Variants in AP1B1 observed in about 807,000 individuals in gnomAD.
AP1B1 encodes the protein AP-1 complex subunit beta-1.
Under a neutral mutation model 104.3 loss-of-function variants are expected in AP1B1, and 36 were observed. The observed-to-expected ratio is 0.35, with a 90% CI of 0.26 to 0.46. The LOEUF (loss-of-function observed/expected upper bound fraction) is 0.46, where lower values mean the gene tolerates loss of function less well. Ranked by LOEUF, AP1B1 falls within the 20% of genes least tolerant of loss-of-function variation. The pLI, the probability that AP1B1 is intolerant of heterozygous loss-of-function variation, is 1.00. For synonymous variants in AP1B1, 504 were observed against 517.5 expected (o/e 0.97, Z 0.35); for missense variants, 901 against 1,247.9 (o/e 0.72, Z 4.19).
At chr22:29,329,689 G>A (rs2061528031) in intron 22 of AP1B1, 23 bp downstream of exon 22, 18 of 1,613,496 alleles carry the variant, frequency 1.1e-5, no homozygotes, top group Non-Finnish European at 1.4e-5. Context: ...GGCGGACGGG[G>A]AAAGAGAAAG....
In AP1B1 at chr22:29,330,520, C is replaced by T; in HGVS notation, c.2624G>A (p.Ser875Asn). 1 of 1,610,344 alleles carries T rather than the reference C, an allele frequency of 6.2e-7. No individual in the cohort carries two copies. Among genetic ancestry groups the T allele is most frequent in the Non-Finnish European group, 8.5e-7 (1 of 1,176,890 alleles). ...DCPLNAEAAS[S>N]KLQSSNIFTV... Reference sequence around the variant, plus strand: ...GAAGATGTTGCTGCTCTGCAGCTTGCTGCTCGCAGCCTCTGTGGGGTCACA... The same window carrying T: ...GAAGATGTTGCTGCTCTGCAGCTTGTTGCTCGCAGCCTCTGTGGGGTCACA... The change falls in exon 21 of 23, where the codon AGC becomes AAC. Residue 875 changes from serine (S) to asparagine (N), a missense_variant. Coordinates refer to ENST00000357586, the MANE Select transcript of AP1B1 (RefSeq NM_001127.4).
chr22:29,357,062 GTTTT>G (rs59590928), intron 5 of AP1B1, among the ~76,000 whole-genome samples: 49,625 of 147,532 alleles, frequency 0.34, 8,766 homozygotes, highest in East Asian at 0.66. Context: ...GTTTTTTTTT[GTTTT>G]TTGTTTTTTT....
At chr22:29,346,570 A>G (rs1047534538) in intron 11 of AP1B1, among the ~76,000 whole-genome samples, 2 of 152,216 alleles carry the variant, frequency 1.3e-5, no homozygotes, top group African/African-American at 4.8e-5. Context: ...GAGCTGAGGC[A>G]GTAATGCTTG....
chr22:29,338,910 C>A (rs140586811), intron 16 of AP1B1, 80 bp downstream of exon 16: 17 of 1,573,164 alleles, frequency 1.1e-5, no homozygotes, highest in African/African-American at 4.0e-5. Flanking sequence ...ATTCCACAGC[C>A]GAGGCCATTT....
intron 3 of AP1B1, 139 bp from the exon 4 acceptor site, chr22:29,360,098 G>T: frequency 1.1e-6 from 1 of 905,688 alleles, no homozygotes; most frequent in Non-Finnish European, 1.6e-6. Context: ...TAAAAGGGAG[G>T]GTTTCAGGTC....
At chr22:29,348,946 T>C (rs912815562) in intron 11 of AP1B1, among the ~76,000 whole-genome samples, 2 of 152,250 alleles carry the variant, frequency 1.3e-5, no homozygotes, top group African/African-American at 4.8e-5. Flanking sequence ...CAAGTCAATA[T>C]ATTTCCTATT....
intron 16 of AP1B1, among the ~76,000 whole-genome samples, chr22:29,337,918 T>A (rs896323389): frequency 1.3e-5 from 2 of 152,172 alleles, no homozygotes; most frequent in African/African-American, 4.8e-5. Context: ...CAAGTGCAAA[T>A]CAGACTGGTT....
chr22:29,380,432 C>T (rs1265515675), intron 1 of AP1B1, among the ~76,000 whole-genome samples: 9 of 152,034 alleles, frequency 5.9e-5, no homozygotes. Context: ...CATGTCCAAA[C>T]TGTGTAACTG....
At chr22:29,377,195 CAAAAAAAAA>C (rs34466410) in intron 1 of AP1B1, among the ~76,000 whole-genome samples, 1 of 64,678 alleles carries the variant, frequency 1.5e-5, no homozygotes, top group Non-Finnish European at 2.7e-5. Context: ...GACCCTGTCT[CAAAAAAAAA>C]AAAAAAAAAA....
intron 1 of AP1B1, among the ~76,000 whole-genome samples, chr22:29,385,316 T>A (rs1188837291): frequency 6.6e-6 from 1 of 152,026 alleles, no homozygotes; most frequent in Admixed American, 6.5e-5. Flanking sequence ...AGCCCAGGAG[T>A]TGGAGCCTGC....
rs1173223996 is a variant in AP1B1 at position 29,330,648 on chromosome 22, C to G, written c.2586G>C (p.Gln862His). Reference protein sequence around the residue: ...DIPNENEAQFQIRDCPLNAEA... With the variant: ...DIPNENEAQFHIRDCPLNAEA... ...CTGCATTGAGGGGGCAGTCTCTGATCTGGAACTGGGCCTCATTCTCATTGG... is the reference window on the plus strand; with the variant it reads ...CTGCATTGAGGGGGCAGTCTCTGATGTGGAACTGGGCCTCATTCTCATTGG... Residue 862 changes from glutamine to histidine, a missense_variant, in exon 20 of 23, where the codon CAG (glutamine) becomes CAC (histidine). Physicochemically the swap from Gln to His is conservative, Grantham distance 24 (BLOSUM62 0). Coordinates refer to ENST00000357586, the MANE Select transcript of AP1B1 (RefSeq NM_001127.4). 6.2e-7 allele frequency: 1 copy of G among 1,613,938 alleles called. No homozygotes were observed. Among genetic ancestry groups the G allele is most frequent in the South Asian group, 1.1e-5 (1 of 91,080 alleles).
intron 17 of AP1B1, among the ~76,000 whole-genome samples, chr22:29,333,680 C>CA (rs1239925771): frequency 6.6e-6 from 1 of 151,430 alleles, no homozygotes; most frequent in African/African-American, 2.4e-5. Flanking sequence ...GAGGCCATCT[C>CA]AAAAAAAATA....
At chr22:29,339,880 T>G in intron 14 of AP1B1, 106 bp from the exon 15 acceptor site, 605 of 990,194 alleles carry the variant, frequency 6.1e-4, no homozygotes, top group Non-Finnish European at 8.4e-4. Context: ...AGAGGGAGAT[T>G]AGTCAACGGT....
At chr22:29,334,100 CAG>C (rs1342953825) in intron 17 of AP1B1, among the ~76,000 whole-genome samples, 163 bp downstream of exon 17, 1 of 152,144 alleles carries the variant, frequency 6.6e-6, no homozygotes, top group African/African-American at 2.4e-5. Context: ...CCCAGTGCTT[CAG>C]AGAGTTTTGG....
At chr22:29,364,833 C>A (rs946750793) in intron 2 of AP1B1, among the ~76,000 whole-genome samples, 1 of 152,078 alleles carries the variant, frequency 6.6e-6, no homozygotes, top group African/African-American at 2.4e-5. Context: ...CTCAGCCTCC[C>A]AAATAGCTGG....
In AP1B1 at chr22:29,339,033, C is replaced by G. The variant is rs752608064; in HGVS notation, c.2120G>C (p.Ser707Thr). ...TGATCCTGACAGGGTGCCCACGCCACTGGTCAGGTCAAAGAGGTCACTCAG... is the reference window on the plus strand; with the variant it reads ...TGATCCTGACAGGGTGCCCACGCCAGTGGTCAGGTCAAAGAGGTCACTCAG... ...SGLSDLFDLT[S>T]GVGTLSGSYV... Residue 707 changes from serine (S) to threonine (T), a missense_variant, in exon 16 of 23, where the codon AGT (serine) becomes ACT (threonine). This residue lies in a region of AP1B1 where 424 missense variants were observed against 494.0 expected (regional missense o/e 0.86). Coordinates refer to ENST00000357586, the MANE Select transcript of AP1B1 (RefSeq NM_001127.4). The G allele has an allele frequency of 6.3e-5, 101 of 1,614,204 alleles. 4 individuals carry two copies. The South Asian group carries it at 1.0e-3, about 17-fold the overall frequency.
rs751794492 is a variant in AP1B1 at position 29,358,982 on chromosome 22, C to G, written c.280-11G>C. 1 of 1,598,482 alleles carries G rather than the reference C, an allele frequency of 6.3e-7. No homozygotes were observed. On this transcript the variant is annotated splice_polypyrimidine_tract_variant and intron_variant, in intron 4 of 22. Transcript: ENST00000357586. ...GGGGTCCTCACAGTCCTGGGGGGAA[C>G]CAGCCATCGGCCAGGGCAGGGGTGG...
chr22:29,386,853 C>G (rs993879456), intron 1 of AP1B1, among the ~76,000 whole-genome samples: 1 of 152,168 alleles, frequency 6.6e-6, no homozygotes, highest in African/African-American at 2.4e-5. Context: ...TAGATTCATA[C>G]AGCCTAGTCC....
At chr22:29,387,581 C>G (rs2062548998) in intron 1 of AP1B1, among the ~76,000 whole-genome samples, 1 of 152,218 alleles carries the variant, frequency 6.6e-6, no homozygotes, top group African/African-American at 2.4e-5. Context: ...GCTGGGATTA[C>G]AGGCGTGAGC....
Sources: gnomAD v4.1 joint callset for allele counts (sites outside exome capture counted in the v4.1 genomes callset) on GRCh38, gnomAD v4.1.1 for gene constraint, gnomAD v4.1.1 regional missense constraint, MANE v1.5 for transcripts, NCBI Gene and HGNC (gene_info 2026-07-23, HGNC 2026-07-21) for gene names.